Variants in OBSL1 observed in about 807,000 individuals in gnomAD.
OBSL1 encodes obscurin like cytoskeletal adaptor 1.
A neutral mutation model predicts 172.0 loss-of-function variants in OBSL1; 160 were observed. That is an observed-to-expected ratio of 0.93 (90% CI 0.82 to 1.06). OBSL1 has a LOEUF of 1.06. Ranked by LOEUF, OBSL1 falls within the 50% of genes least tolerant of loss-of-function variation. The pLI is 0.00. For synonymous variants in OBSL1, 1,200 were observed against 1,196.3 expected, an observed-to-expected ratio of 1.00 and a Z score of -0.06; for missense variants, 2,681 against 2,715.4, an observed-to-expected ratio of 0.99 and a Z score of 0.28.
chr2:219,554,300 G>A lies in OBSL1; in HGVS notation c.4876+174C>T. On this transcript the variant is annotated intron_variant, in intron 15 of 20. Transcript: ENST00000404537. ...GCCACACCCAGGCAGAGGACTCTGG[G>A]GCCACACAGGGCCTATGAGTCAGGG... 12 of 771,928 alleles carry A rather than the reference G, an allele frequency of 1.6e-5. No homozygotes were observed. In the South Asian group the frequency reaches 2.1e-4, roughly 14 times the overall value. 47.8% of individuals were successfully genotyped at this position (771,928 alleles called of 1,614,324 possible). A position where few individuals can be genotyped will look rare whatever the true frequency, so the allele number is the denominator to read the frequency against.
At position 219,551,768 on chromosome 2, in the gene OBSL1, G is replaced by C; in HGVS notation, c.5444C>G (p.Pro1815Arg). ...ALPLQMCRHP[P>R]REKTVLVGRR... is the part of the protein sequence containing the mutation. ...GCCCACCAGAACGGTCTTCTCGCGA[G>C]GGGGGTGGCGGCACATCTGGAGAGG... The change falls in exon 20 of 21, where the codon CCT (proline) becomes CGT (arginine). Residue 1815 changes from proline to arginine, a missense_variant. Physicochemically the swap from Pro to Arg is moderately radical, Grantham distance 103. This residue lies in a region of OBSL1 where 1,765 missense variants were observed against 1,748.3 expected (regional missense o/e 1.01). Transcript: ENST00000404537. 3 of 1,590,498 alleles carry C rather than the reference G, an allele frequency of 1.9e-6. No individual in the cohort carries two copies. Among genetic ancestry groups the C allele is most frequent in the Non-Finnish European group, 1.7e-6 (2 of 1,166,238 alleles).
chr2:219,555,456 T>G, intron 14 of OBSL1: 1 of 182,310 alleles, frequency 5.5e-6, no homozygotes, highest in Non-Finnish European at 1.0e-5. Context: ...TTTTTATTTT[T>G]TTTTGTGGAG....
downstream of OBSL1, chr2:219,547,913 G>T (rs778908149): frequency 6.3e-7 from 1 of 1,596,098 alleles, no homozygotes; most frequent in Admixed American, 1.7e-5. Context: ...TGACTACTTC[G>T]CCGAGCTGCT....
intron 6 of OBSL1, 115 bp from the exon 7 acceptor site, chr2:219,563,742 G>A: frequency 8.5e-7 from 1 of 1,175,992 alleles, no homozygotes; most frequent in Non-Finnish European, 1.2e-6. Context: ...GAGGGCTAAG[G>A]TCCTGCTGTG....
chr2:219,554,780 A>G (rs953188954), intron 14 of OBSL1, 40 bp from the exon 15 acceptor site: 5 of 1,506,428 alleles, frequency 3.3e-6, no homozygotes, highest in Non-Finnish European at 3.6e-6. Context: ...TGAGGCCTCC[A>G]GCTCTGGGCA....
At position 219,552,564 on chromosome 2, in the gene OBSL1, G is replaced by T; in HGVS notation, c.5280C>A (p.Pro1760=). The T allele has an allele frequency of 6.3e-7, 1 of 1,595,676 alleles. No homozygotes were observed. The highest frequency in any genetic ancestry group is 2.2e-5 in the East Asian group (1 of 44,608). The change falls in exon 18 of 21, where the codon CCC becomes CCA. Residue 1760 remains proline, a synonymous_variant. Coordinates refer to ENST00000404537, the MANE Select transcript of OBSL1 (RefSeq NM_015311.3). The part of the protein sequence containing the change: ...RWELGGRPLR[P]GARVRIRQEG... ...CCTGTCGGATGCGGACGCGGGCTCC[G>T]GGTCTCAGCGGGCGGCCTCCGAGCT...
chr2:219,564,927 C>T (rs1696770627), intron 6 of OBSL1, among the ~76,000 whole-genome samples: 2 of 152,254 alleles, frequency 1.3e-5, no homozygotes, highest in East Asian at 1.9e-4. Flanking sequence ...ATTAGCTGGG[C>T]GTGGTGGCGC....
At chr2:219,553,794 C>T (rs958507926) in intron 15 of OBSL1, 108 bp from the exon 16 acceptor site, 12 of 382,596 alleles carry the variant, frequency 3.1e-5, no homozygotes, top group Admixed American at 2.7e-4. Flanking sequence ...AGGACACTAG[C>T]GAGTGGGGTT....
downstream of OBSL1, chr2:219,549,209 A>C: frequency 6.2e-7 from 1 of 1,614,016 alleles, no homozygotes; most frequent in Admixed American, 1.7e-5. Context: ...CAGCAGGAAG[A>C]TCGCAAGGAG....
rs2106093149 is a variant in OBSL1, at chr2:219,566,961, A to G, written c.2003T>C (p.Leu668Pro). Reference protein sequence around the residue: ...EPEGQVEPGALRYRIEQKGLQ... With the variant: ...EPEGQVEPGAPRYRIEQKGLQ... ...ACCCTTCTGCTCTATACGGTACCGC[A>G]GGGCCCCAGGTTCCACCTGGCCCTC... Residue 668 changes from leucine (L) to proline (P), a missense_variant, in exon 5 of 21, where the codon CTG becomes CCG. Leu to Pro is a moderately conservative substitution (Grantham distance 98, BLOSUM62 -3). Coordinates refer to ENST00000404537, the MANE Select transcript of OBSL1 (RefSeq NM_015311.3). 1 of 1,613,774 alleles carries G rather than the reference A, an allele frequency of 6.2e-7. No individual in the cohort carries two copies.
rs1435536019 is a variant in OBSL1 at position 219,550,842 on chromosome 2, C to T, written c.5684G>A (p.Gly1895Asp). 6.2e-7 allele frequency: 1 copy of T among 1,610,954 alleles called. No individual in the cohort carries two copies. Among genetic ancestry groups the T allele is most frequent in the South Asian group, 1.1e-5 (1 of 90,402 alleles). ...DSTHTRLLVE[G>D]N is the part of the protein sequence containing the mutation. Reference sequence around the variant, plus strand: ...TGGCCTGGTTAGGTTCTCCTAGTTGCCTGCAGAGGAATGACTCCACATGGG... The same window carrying T: ...TGGCCTGGTTAGGTTCTCCTAGTTGTCTGCAGAGGAATGACTCCACATGGG... Residue 1895 changes from glycine to aspartate, a missense_variant and splice_region_variant, in exon 21 of 21, where the codon GGC becomes GAC. Coordinates refer to ENST00000404537, the MANE Select transcript of OBSL1 (RefSeq NM_015311.3).
chr2:219,551,354 C>T (rs1267901047), intron 20 of OBSL1, 175 bp downstream of exon 20: 13 of 1,400,648 alleles, frequency 9.3e-6, no homozygotes, highest in Non-Finnish European at 1.2e-5. Flanking sequence ...CAAGCAGTTC[C>T]AGGGCTTTCC....
At chr2:219,548,137 T>TG (rs1695432461), downstream of OBSL1, 2 of 1,429,036 alleles carry the variant, frequency 1.4e-6, no homozygotes, top group Admixed American at 4.8e-5. Context: ...AGGGATGGGT[T>TG]GGGGGCCAAG....
At position 219,557,380 on chromosome 2, in the gene OBSL1, C is replaced by T. The variant is rs374900616; in HGVS notation, c.4029G>A (p.Ala1343=). ...SGDAGEYLCD[A]PQDSRIFLVS... ...CAAGGAAGATGCGGCTGTCCTGGGG[C>T]GCATCGCACAGGTACTCCCCAGCGT... The change falls in exon 12 of 21, where the codon GCG becomes GCA. Residue 1343 remains alanine (A), a synonymous_variant. Coordinates refer to ENST00000404537, the MANE Select transcript of OBSL1 (RefSeq NM_015311.3). 1.0e-4 allele frequency: 156 copies of T among 1,530,898 alleles called. No homozygotes were observed. The Admixed American group carries it at 1.4e-3, about 14-fold the overall frequency. 94.8% of individuals were successfully genotyped at this position (1,530,898 alleles called of 1,614,324 possible).
At chr2:219,547,885 G>A (rs764832475), downstream of OBSL1, 25 of 1,596,044 alleles carry the variant, frequency 1.6e-5, 1 homozygote, top group East Asian at 3.6e-4. Context: ...CTGGTGCTGC[G>A]CTGATCGCCA....
At chr2:219,555,304 C>T (rs1695919879) in intron 14 of OBSL1, 1 of 153,356 alleles carries the variant, frequency 6.5e-6, no homozygotes, top group Non-Finnish European at 1.5e-5. Flanking sequence ...GGATCAACCC[C>T]ATTTTTAAAA....
intron 5 of OBSL1, 66 bp downstream of exon 5, chr2:219,566,764 C>G: frequency 6.8e-7 from 1 of 1,468,432 alleles, no homozygotes; most frequent in Non-Finnish European, 9.1e-7. Flanking sequence ...GCATCTGCCT[C>G]GTTTTGCCAA....
chr2:219,549,790 C>T (rs765008645), downstream of OBSL1: 20 of 1,614,014 alleles, frequency 1.2e-5, no homozygotes, highest in Admixed American at 1.8e-4. Context: ...CCCACAGATG[C>T]GGACTATGAG....
At chr2:219,549,802 A>G (rs757156476), downstream of OBSL1, 2 of 1,614,082 alleles carry the variant, frequency 1.2e-6, no homozygotes, top group South Asian at 1.1e-5. Flanking sequence ...GACTATGAGT[A>G]TGGGTCCCGG....
Sources: allele counts gnomAD v4.1 joint callset (sites outside exome capture counted in the v4.1 genomes callset), GRCh38; gene constraint gnomAD v4.1.1; regional missense constraint gnomAD v4.1.1; transcripts MANE v1.5; gene names NCBI Gene and HGNC (gene_info 2026-07-23, HGNC 2026-07-21).